Variants in TNIP3 observed in about 807,000 individuals in gnomAD.
The protein encoded by TNIP3 is TNFAIP3 interacting protein 3.
In TNIP3, 34 loss-of-function variants were observed where a neutral mutation model predicts 54.1. The ratio of observed to expected loss-of-function variants is 0.63; its 90% CI spans 0.48 to 0.84. The LOEUF (loss-of-function observed/expected upper bound fraction) is 0.84. Ranked by LOEUF, TNIP3 falls within the 40% of genes least tolerant of loss-of-function variation. TNIP3 has a pLI of 0.00. For synonymous variants in TNIP3, 134 were observed against 136.8 expected (o/e 0.98, Z 0.14); for missense variants, 366 against 387.6 (o/e 0.94, Z 0.47).
At chr4:121,202,434 A>C (rs1725943144) in intron 2 of TNIP3, among the ~76,000 whole-genome samples, 1 of 152,206 alleles carries the variant, frequency 6.6e-6, no homozygotes, top group Admixed American at 6.5e-5. Context: ...CAAAGACTTA[A>C]ATATAAGACC....
intron 10 of TNIP3, chr4:121,137,694 A>G (rs1249664840): frequency 1.5e-5 from 5 of 326,148 alleles, no homozygotes; most frequent in Non-Finnish European, 3.0e-5. Context: ...ACTCCATAAC[A>G]GACTCCTTGT....
intron 3 of TNIP3, among the ~76,000 whole-genome samples, chr4:121,172,874 G>T (rs1724049805): frequency 6.6e-6 from 1 of 152,158 alleles, no homozygotes; most frequent in South Asian, 2.1e-4. Context: ...GTCCTAGAAT[G>T]GAACTAAATT....
intron 1 of TNIP3, 25 bp downstream of exon 1, chr4:121,164,035 T>A (rs776756062): frequency 2.7e-5 from 43 of 1,611,718 alleles, no homozygotes; most frequent in Non-Finnish European, 3.3e-5. Context: ...TGTGATCAAC[T>A]CATCTCCTAG....
At chr4:121,203,216 T>TATAGATAG (rs148903658) in intron 2 of TNIP3, among the ~76,000 whole-genome samples, 17,852 of 146,930 alleles carry the variant, frequency 0.12, 1,164 homozygotes, top group East Asian at 0.17. Context: ...GAAAATGTGA[T>TATAGATAG]ATAGATAGAT....
intron 3 of TNIP3, among the ~76,000 whole-genome samples, chr4:121,174,479 T>C (rs1470467592): frequency 6.6e-6 from 1 of 152,022 alleles, no homozygotes; most frequent in Non-Finnish European, 1.5e-5. Flanking sequence ...TGTAGGTATA[T>C]GGAAAGGCTA....
intron 2 of TNIP3, among the ~76,000 whole-genome samples, chr4:121,213,012 T>C (rs915050863): frequency 1.3e-5 from 2 of 152,202 alleles, no homozygotes; most frequent in African/African-American, 4.8e-5. Context: ...GGACTTTTAA[T>C]AGCCAGCAGC....
chr4:121,158,546 A>C, intron 3 of TNIP3, 141 bp downstream of exon 3: 2 of 716,524 alleles, frequency 2.8e-6, no homozygotes, highest in East Asian at 5.4e-5. Context: ...CCAATACTAC[A>C]CTTAGCACCC....
At chr4:121,190,923 A>G (rs529511903) in intron 2 of TNIP3, among the ~76,000 whole-genome samples, 1 of 152,290 alleles carries the variant, frequency 6.6e-6, no homozygotes, top group South Asian at 2.1e-4. Flanking sequence ...AGTAGAGAAA[A>G]AGGACAAAAC....
chr4:121,159,143 T>C (rs758774301), intron 2 of TNIP3, among the ~76,000 whole-genome samples: 1 of 152,088 alleles, frequency 6.6e-6, no homozygotes. Context: ...CTGGGGAGGC[T>C]GAGGCAGGAG....
chr4:121,204,727 T>C (rs1246901188), intron 2 of TNIP3, among the ~76,000 whole-genome samples: 1 of 152,278 alleles, frequency 6.6e-6, no homozygotes, highest in East Asian at 1.9e-4. Flanking sequence ...TTTACCAACG[T>C]TAGATTGTTG....
Position 121,172,617 on chromosome 4 carries a change from G to A in TNIP3, c.190-8471C>T, listed in dbSNP as rs144168482. 7.6e-3 allele frequency among the ~76,000 whole-genome samples: 1,163 copies of A among 152,236 alleles called. 17 individuals are homozygous for A. Among genetic ancestry groups the A allele is most frequent in the African/African-American group, 0.026 (1,081 of 41,532 alleles). On this transcript the variant is annotated intron_variant, in intron 3 of 12. Transcript: ENST00000507879. ...TGTTTGTCTCATACAATATTCTGCC[G>A]TTTATCTGAAATTTAAACTTAGGTG...
intron 2 of TNIP3, among the ~76,000 whole-genome samples, chr4:121,203,644 T>C (rs114649898): frequency 0.022 from 3,298 of 152,278 alleles, 76 homozygotes; most frequent in Admixed American, 0.035. Flanking sequence ...TTAGGTCATC[T>C]GATATAATAC....
intron 3 of TNIP3, among the ~76,000 whole-genome samples, chr4:121,174,272 GC>G (rs1429972313): frequency 3.9e-5 from 6 of 152,050 alleles, no homozygotes; most frequent in Non-Finnish European, 8.8e-5. Context: ...AGGCATGGTG[GC>G]TGACACCTAT....
intron 2 of TNIP3, among the ~76,000 whole-genome samples, chr4:121,212,472 T>C (rs1726524719): frequency 6.6e-6 from 1 of 152,208 alleles, no homozygotes; most frequent in Non-Finnish European, 1.5e-5. Flanking sequence ...GTGACTTTGA[T>C]GTTTATTAGT....
At chr4:121,141,038 A>C (rs916207810) in intron 9 of TNIP3, among the ~76,000 whole-genome samples, 4 of 152,206 alleles carry the variant, frequency 2.6e-5, no homozygotes, top group African/African-American at 9.6e-5. Context: ...CCCAGTTAAA[A>C]ATCTTAGATT....
rs1359504808 is a variant in TNIP3, at chr4:121,132,479, T to C, written c.*152A>G. On this transcript the variant is annotated 3_prime_UTR_variant, in exon 11 of 11. Coordinates refer to ENST00000057513, the MANE Select transcript of TNIP3 (RefSeq NM_024873.6). ...ATCTTAGCTGTCAGAAGCCTTTTCC[T>C]GTATTCATACCAAAGGAAAACATGA... 1 of 652,974 alleles carries C rather than the reference T, an allele frequency of 1.5e-6. No individual in the cohort carries two copies. The highest frequency in any genetic ancestry group is 2.6e-6 in the Non-Finnish European group (1 of 383,514). The allele number at this position is 652,974 out of a possible 1,614,324, so 40.4% of individuals were successfully genotyped here. A position where few individuals can be genotyped will look rare whatever the true frequency, so the allele number is the denominator to read the frequency against.
chr4:121,205,164 C>T (rs532494612), intron 2 of TNIP3, among the ~76,000 whole-genome samples: 1 of 152,134 alleles, frequency 6.6e-6, no homozygotes, highest in East Asian at 1.9e-4. Flanking sequence ...ATGGGAATTG[C>T]AATTTTAAAT....
chr4:121,138,916 G>C (rs777158826), intron 9 of TNIP3, among the ~76,000 whole-genome samples: 2 of 151,850 alleles, frequency 1.3e-5, no homozygotes, highest in Non-Finnish European at 2.9e-5. Context: ...CCACTTTGAG[G>C]TTGTGACATA....
intron 2 of TNIP3, among the ~76,000 whole-genome samples, chr4:121,203,058 C>T (rs987274437): frequency 5.3e-5 from 8 of 152,076 alleles, no homozygotes; most frequent in South Asian, 4.1e-4. Flanking sequence ...CCATTTGATC[C>T]AGGAATCCTA....
Sources: allele counts gnomAD v4.1 joint callset (sites outside exome capture counted in the v4.1 genomes callset), GRCh38; gene constraint gnomAD v4.1.1; transcripts MANE v1.5; gene names NCBI Gene and HGNC (gene_info 2026-07-23, HGNC 2026-07-21).